Variants in ROR2 observed in about 807,000 individuals in gnomAD.
The protein encoded by ROR2 is ROR family WNT receptor 2, also known as tyrosine-protein kinase transmembrane receptor ROR2.
A neutral mutation model predicts 74.9 loss-of-function variants in ROR2; 33 were observed. That is an observed-to-expected ratio of 0.44 (90% confidence interval 0.33 to 0.59). ROR2 has a LOEUF of 0.59. Among genes scored for constraint, ROR2 ranks in the 20% least tolerant of loss-of-function variants. The pLI is 0.02. For synonymous variants in ROR2, 586 were observed against 558.7 expected (o/e 1.05, Z -0.69); for missense variants, 1,216 against 1,313.8 (o/e 0.93, Z 1.15).
Position 91,733,108 on chromosome 9 carries a change from CCTCGGGCA to C in ROR2, c.937+6_937+13del. 1 of 1,581,800 alleles carries C rather than the reference CCTCGGGCA, an allele frequency of 6.3e-7. No individual in the cohort carries two copies. The highest frequency in any genetic ancestry group is 8.6e-7 in the Non-Finnish European group (1 of 1,166,668). On this transcript the variant is annotated splice_donor_region_variant and intron_variant, in intron 6 of 8. Transcript: ENST00000375708. This position sits in a 1 kb window ranked among gnomAD's most constrained non-coding sequence, Gnocchi z 5.7. ...TGCGCCCCCCGGTCCCGCCCCGGGC[CCTCGGGCA>C]CTCACAGCGGCCCAGCCTCTCGGCT...
chr9:91,766,506 G>A (rs1488176869), intron 2 of ROR2, among the ~76,000 whole-genome samples: 1 of 152,142 alleles, frequency 6.6e-6, no homozygotes, highest in Non-Finnish European at 1.5e-5. Context: ...AATGAGTCTG[G>A]TCCACCATTT....
intron 1 of ROR2, among the ~76,000 whole-genome samples, chr9:91,893,698 C>G (rs1250566782): frequency 2.6e-5 from 4 of 152,204 alleles, no homozygotes; most frequent in Admixed American, 6.5e-5. Flanking sequence ...AAGACTCCTT[C>G]AACGGCCAGT....
chr9:91,762,893 C>G (rs1180762719), intron 2 of ROR2, among the ~76,000 whole-genome samples: 1 of 152,138 alleles, frequency 6.6e-6, no homozygotes, highest in Non-Finnish European at 1.5e-5. Context: ...TAATGACCAC[C>G]TATATAGATG....
chr9:91,756,047 G>A lies in ROR2; in HGVS notation c.494+24C>T, dbSNP rs79124898. 2.0e-3 allele frequency: 3,149 copies of A among 1,612,708 alleles called. 60 individuals carry two copies. In the African/African-American group the frequency reaches 0.037, roughly 19 times the overall value. ...AAAAACCCTCAGAGCAGCAGAACAC[G>A]GCTTGGGGAAAACAGATACTTACTG... On this transcript the variant is annotated intron_variant, in intron 4 of 8. Transcript: ENST00000375708.
intron 1 of ROR2, among the ~76,000 whole-genome samples, chr9:91,918,024 C>T (rs2119442947): frequency 6.6e-6 from 1 of 152,178 alleles, no homozygotes; most frequent in African/African-American, 2.4e-5. Flanking sequence ...GTAATCCCAG[C>T]ACTTTGGGAG....
intron 6 of ROR2, among the ~76,000 whole-genome samples, chr9:91,731,600 G>A (rs540162256): frequency 6.6e-6 from 1 of 152,304 alleles, no homozygotes; most frequent in South Asian, 2.1e-4. Flanking sequence ...GTTGGGGTGT[G>A]CATTTGGTGA....
intron 7 of ROR2, among the ~76,000 whole-genome samples, chr9:91,729,510 G>C (rs1837160170): frequency 6.6e-6 from 1 of 152,254 alleles, no homozygotes; most frequent in African/African-American, 2.4e-5. Context: ...ACATCAGGAA[G>C]GTCATTAGTG....
intron 1 of ROR2, among the ~76,000 whole-genome samples, chr9:91,779,040 A>G (rs991964328): frequency 2.0e-5 from 3 of 152,236 alleles, no homozygotes; most frequent in African/African-American, 7.2e-5. Flanking sequence ...ATAATGTGGT[A>G]TCCTGGTCAG....
At chr9:91,948,466 G>C in intron 1 of ROR2, 4 of 577,260 alleles carry the variant, frequency 6.9e-6, no homozygotes, top group Non-Finnish European at 8.8e-6. Flanking sequence ...CACTCTGAGC[G>C]GTTTATGCTT....
chr9:91,860,930 T>C (rs995568945), intron 1 of ROR2, among the ~76,000 whole-genome samples: 2 of 152,148 alleles, frequency 1.3e-5, no homozygotes, highest in Non-Finnish European at 2.9e-5. Context: ...AAAACGAATA[T>C]ACAAAAATCA....
chr9:91,803,085 G>T (rs1367282014), intron 1 of ROR2, among the ~76,000 whole-genome samples: 3 of 152,160 alleles, frequency 2.0e-5, no homozygotes, highest in African/African-American at 7.2e-5. Flanking sequence ...GTGCACTGCT[G>T]GTGGGGGTGC....
intron 1 of ROR2, among the ~76,000 whole-genome samples, chr9:91,795,974 G>A (rs564486968): frequency 6.7e-6 from 1 of 149,184 alleles, no homozygotes; most frequent in Non-Finnish European, 1.5e-5. Flanking sequence ...CTTGGAAGAT[G>A]AGACCATGAA....
At chr9:91,916,003 T>C (rs929316739) in intron 1 of ROR2, among the ~76,000 whole-genome samples, 3 of 152,216 alleles carry the variant, frequency 2.0e-5, no homozygotes, top group Non-Finnish European at 4.4e-5. Context: ...GGATCTAGAA[T>C]TGAGTGTTGC....
chr9:91,946,696 C>G (rs111751787), intron 1 of ROR2, among the ~76,000 whole-genome samples: 1 of 152,222 alleles, frequency 6.6e-6, no homozygotes, highest in African/African-American at 2.4e-5. Context: ...TCCAGCACTA[C>G]AACAGACTAG....
intron 1 of ROR2, among the ~76,000 whole-genome samples, chr9:91,892,585 C>CT (rs1830446528): frequency 1.7e-5 from 2 of 120,802 alleles, no homozygotes; most frequent in Non-Finnish European, 1.7e-5. Flanking sequence ...TTTTTCTTTT[C>CT]TTTTCTTTTT....
At chr9:91,876,863 G>A (rs555383130) in intron 1 of ROR2, among the ~76,000 whole-genome samples, 43 of 152,236 alleles carry the variant, frequency 2.8e-4, no homozygotes, top group African/African-American at 1.0e-3. Flanking sequence ...AAAAAAGTGG[G>A]AGAGAGGAAT....
chr9:91,944,189 A>G (rs928258328), intron 1 of ROR2, among the ~76,000 whole-genome samples: 2 of 152,236 alleles, frequency 1.3e-5, no homozygotes, highest in Non-Finnish European at 2.9e-5. Flanking sequence ...CCTATACAGC[A>G]TGTGGCTGTA....
intron 1 of ROR2, among the ~76,000 whole-genome samples, chr9:91,786,505 C>T (rs1207738991): frequency 6.6e-6 from 1 of 152,092 alleles, no homozygotes; most frequent in African/African-American, 2.4e-5. Flanking sequence ...ACCTGCTGAA[C>T]CTTGATAAGA....
At chr9:91,731,197 CA>C in intron 6 of ROR2, 42 bp from the exon 7 acceptor site, 1 of 1,612,870 alleles carries the variant, frequency 6.2e-7, no homozygotes, top group Non-Finnish European at 8.5e-7. Flanking sequence ...CGGGGTACAA[CA>C]AAACCATTCT....
Sources: gnomAD v4.1 joint callset for allele counts (sites outside exome capture counted in the v4.1 genomes callset) on GRCh38, gnomAD v4.1.1 for gene constraint, Gnocchi (gnomAD v3.1) non-coding constraint, MANE v1.5 for transcripts, NCBI Gene and HGNC (gene_info 2026-07-23, HGNC 2026-07-21) for gene names.